Variants in AREL1 observed in about 807,000 individuals in gnomAD.
AREL1 encodes apoptosis resistant E3 ubiquitin protein ligase 1.
Under a neutral mutation model 99.0 loss-of-function variants are expected in AREL1, and 62 were observed. The observed-to-expected ratio is 0.63, with a 90% CI of 0.51 to 0.77. AREL1 has a LOEUF of 0.77. AREL1 is among the 30% of genes least tolerant of loss of function. AREL1 has a pLI of 0.00. For missense variants in AREL1, 879 were observed against 1,027.6 expected (o/e 0.86, Z 1.98); for synonymous variants, 380 against 376.5 (o/e 1.01, Z -0.11).
intron 5 of AREL1, among the ~76,000 whole-genome samples, chr14:74,683,048 G>A (rs2089666185): frequency 6.6e-6 from 1 of 152,146 alleles, no homozygotes; most frequent in Non-Finnish European, 1.5e-5. Flanking sequence ...GCCTAGGTCT[G>A]GGGGATTTGG....
At chr14:74,679,391 C>G (rs2089575982) in intron 5 of AREL1, among the ~76,000 whole-genome samples, 1 of 152,022 alleles carries the variant, frequency 6.6e-6, no homozygotes, top group African/African-American at 2.4e-5. Context: ...TACTGCACGC[C>G]ATCATGGGTG....
chr14:74,683,662 C>T (rs1277218020), intron 4 of AREL1, 129 bp from the exon 5 acceptor site: 1 of 732,704 alleles, frequency 1.4e-6, no homozygotes, highest in Non-Finnish European at 2.3e-6. Flanking sequence ...CTACCCTGTT[C>T]CTCACAGTCC....
intron 2 of AREL1, among the ~76,000 whole-genome samples, chr14:74,687,618 G>A (rs1028076147): frequency 3.9e-5 from 6 of 152,078 alleles, no homozygotes; most frequent in Non-Finnish European, 8.8e-5. Context: ...TGTGACCCTG[G>A]ACAAGTCATT....
intron 12 of AREL1, 131 bp downstream of exon 12, chr14:74,671,277 A>AG (rs1396593752): frequency 9.2e-6 from 5 of 541,786 alleles, no homozygotes; most frequent in Non-Finnish European, 1.5e-5. Context: ...GGAAAAAAAA[A>AG]CCTAGGTTTT....
chr14:74,663,607 G>A lies in AREL1; in HGVS notation c.*113C>T, dbSNP rs886464792. The A allele has an allele frequency of 1.5e-5, 16 of 1,088,382 alleles. No individual in the cohort carries two copies. The highest frequency in any genetic ancestry group is 9.2e-5 in the African/African-American group (6 of 64,966). 67.4% of individuals were successfully genotyped at this position (1,088,382 alleles called of 1,614,324 possible). ...AAATCCTCCAGACACAGGGGAGCAT[G>A]CGGCATCTTCTGGCTGATGGTTATG... is the stretch of plus-strand genomic sequence containing the variant. On this transcript the variant is annotated 3_prime_UTR_variant, in exon 20 of 20. Coordinates refer to ENST00000356357, the MANE Select transcript of AREL1 (RefSeq NM_001039479.2).
chr14:74,695,153 C>A (rs2089960921), intron 1 of AREL1, among the ~76,000 whole-genome samples: 1 of 149,644 alleles, frequency 6.7e-6, no homozygotes, highest in African/African-American at 2.5e-5. Flanking sequence ...CTCACTGCCT[C>A]ACTACAACCT....
rs781111595 is a variant in AREL1 at position 74,663,884 on chromosome 14, CG to C, written c.2369+14del. The C allele has an allele frequency of 5.6e-6, 9 of 1,614,144 alleles. No homozygotes were observed. In the East Asian group the frequency reaches 2.0e-4, roughly 36 times the overall value. On this transcript the variant is annotated intron_variant, in intron 19 of 19. Coordinates refer to ENST00000356357, the MANE Select transcript of AREL1 (RefSeq NM_001039479.2). ...CCAAAAACACTGGGCATGCATCAGG[CG>C]GGCAGATACCTACCATGTGTGTGCA...
chr14:74,675,506 G>A (rs2089449837), intron 8 of AREL1, among the ~76,000 whole-genome samples, 193 bp downstream of exon 8: 1 of 152,168 alleles, frequency 6.6e-6, no homozygotes, highest in Admixed American at 6.5e-5. Context: ...AAATTGTTTT[G>A]ACACAGCACA....
Position 74,664,847 on chromosome 14 carries a change from A to C in AREL1, c.2182T>G (p.Phe728Val). The C allele has an allele frequency of 6.2e-7, 1 of 1,613,516 alleles. No individual in the cohort carries two copies. Among genetic ancestry groups the C allele is most frequent in the Non-Finnish European group, 8.5e-7 (1 of 1,179,638 alleles). The change falls in exon 18 of 20, where the codon TTC (phenylalanine) becomes GTC (valine). Residue 728 changes from phenylalanine to valine, a missense_variant. Physicochemically the swap from Phe to Val is conservative, Grantham distance 50. Transcript: ENST00000356357. ...TTTGGTCCATTTACCTTTTCTCTGA[A>C]ATGCCATGAGCCACCAACAACTACT... Reference protein sequence around the residue: ...HAVVVGGSWHFREKVMRWFWT... With the variant: ...HAVVVGGSWHVREKVMRWFWT...
At chr14:74,675,270 T>C (rs1034026630) in intron 8 of AREL1, among the ~76,000 whole-genome samples, 3 of 152,216 alleles carry the variant, frequency 2.0e-5, no homozygotes, top group African/African-American at 4.8e-5. Context: ...GTTTTGGTTA[T>C]GAGATTAAAG....
In AREL1 at chr14:74,669,912, G is replaced by A. The variant is rs374539009; in HGVS notation, c.1788+35C>T. 96 of 1,583,734 alleles carry A rather than the reference G, an allele frequency of 6.1e-5. No individual in the cohort carries two copies. In the African/African-American group the frequency reaches 9.3e-4, roughly 15 times the overall value. On this transcript the variant is annotated intron_variant, in intron 14 of 19. Transcript: ENST00000356357. ...GAGAGATTTCAGGGTTAATGGCCAG[G>A]GGCCTTAGTAGGAAATGCACACCCA... is the stretch of plus-strand genomic sequence containing the variant.
At chr14:74,665,000 G>A in intron 17 of AREL1, 75 bp from the exon 18 acceptor site, 2 of 1,186,064 alleles carry the variant, frequency 1.7e-6, no homozygotes, top group Non-Finnish European at 2.5e-6. Context: ...AATTACCTAA[G>A]TTAACAGGCA....
chr14:74,683,473 T>C lies in AREL1; in HGVS notation c.304A>G (p.Ile102Val). The change falls in exon 5 of 20, where the codon ATC (isoleucine) becomes GTC (valine). Residue 102 changes from isoleucine to valine, a missense_variant. Ile to Val is a conservative substitution (Grantham distance 29). Transcript: ENST00000356357. ...AHRPVGLRVH[I>V]SHVELAVEIP... ...TCCACTGCTAGCTCGACATGAGAGA[T>C]GTGAACTCTTAGTCCCACAGGCCGA... 20 of 1,614,130 alleles carry C rather than the reference T, an allele frequency of 1.2e-5. No homozygotes were observed. The highest frequency in any genetic ancestry group is 1.5e-5 in the Non-Finnish European group (18 of 1,180,026).
At chr14:74,670,689 A>C in intron 13 of AREL1, 73 bp downstream of exon 13, 1 of 1,334,774 alleles carries the variant, frequency 7.5e-7, no homozygotes, top group Admixed American at 1.9e-5. Flanking sequence ...GATCAGTTTC[A>C]TAATTTTGAA....
intron 2 of AREL1, among the ~76,000 whole-genome samples, chr14:74,690,395 G>T (rs368788722): frequency 2.1e-4 from 32 of 151,994 alleles, no homozygotes; most frequent in African/African-American, 7.7e-4. Flanking sequence ...GAATTTTCCA[G>T]ATGGGATCTT....
chr14:74,693,648 G>C (rs1003318709), intron 1 of AREL1, among the ~76,000 whole-genome samples: 1 of 152,144 alleles, frequency 6.6e-6, no homozygotes, highest in African/African-American at 2.4e-5. Context: ...GACACAGAAA[G>C]GTTAAAGTAC....
intron 5 of AREL1, among the ~76,000 whole-genome samples, chr14:74,678,807 AAG>A (rs918129502): frequency 6.6e-6 from 1 of 152,206 alleles, no homozygotes; most frequent in African/African-American, 2.4e-5. Context: ...TTGGGAAAAA[AAG>A]AGAACATCTT....
At chr14:74,683,253 A>AGG (rs761566615) in intron 5 of AREL1, 43 bp downstream of exon 5, 6 of 1,354,696 alleles carry the variant, frequency 4.4e-6, no homozygotes, top group Non-Finnish European at 6.3e-6. Context: ...AAAGAGAGAG[A>AGG]GGGAAGGAGA....
chr14:74,711,632 A>G (rs1218341713), intron 1 of AREL1, among the ~76,000 whole-genome samples: 1 of 152,200 alleles, frequency 6.6e-6, no homozygotes, highest in Non-Finnish European at 1.5e-5. Flanking sequence ...CAATGGTAAC[A>G]ACAGAAAACA....
Sources: gnomAD v4.1 joint callset for allele counts (sites outside exome capture counted in the v4.1 genomes callset) on GRCh38, gnomAD v4.1.1 for gene constraint, MANE v1.5 for transcripts, NCBI Gene and HGNC (gene_info 2026-07-23, HGNC 2026-07-21) for gene names.